The following PCNX2 variants were observed in gnomAD, a reference collection of about 807,000 sequenced individuals.
The protein encoded by PCNX2 is pecanex 2, also known as pecanex-like protein 2.
A neutral mutation model predicts 223.8 loss-of-function variants in PCNX2; 168 were observed. That is an observed-to-expected ratio of 0.75 (90% CI 0.66 to 0.85). PCNX2 has a LOEUF of 0.85. PCNX2 is among the 40% of genes least tolerant of loss of function. The pLI is 0.00. For synonymous variants in PCNX2, 1,006 were observed against 1,052.6 expected, an observed-to-expected ratio of 0.96 and a Z score of 0.86; for missense variants, 2,507 against 2,675.5, an observed-to-expected ratio of 0.94 and a Z score of 1.39.
intron 21 of PCNX2, among the ~76,000 whole-genome samples, chr1:233,103,285 A>G (rs923376885): frequency 6.6e-6 from 1 of 152,146 alleles, no homozygotes; most frequent in East Asian, 1.9e-4. Context: ...TAAATAATCC[A>G]GTTATATTCT....
chr1:233,012,838 G>A (rs950100119), intron 28 of PCNX2, among the ~76,000 whole-genome samples: 3 of 152,180 alleles, frequency 2.0e-5, no homozygotes, highest in African/African-American at 7.2e-5. Flanking sequence ...ATTTCAAATT[G>A]ATCCAACAAA....
chr1:233,060,060 G>A (rs1157254474), intron 23 of PCNX2, among the ~76,000 whole-genome samples: 2 of 152,178 alleles, frequency 1.3e-5, no homozygotes, highest in Admixed American at 6.5e-5. Flanking sequence ...GTGATGCTAC[G>A]GATGGATTGG....
chr1:233,092,562 T>C (rs2102942826), intron 22 of PCNX2, among the ~76,000 whole-genome samples: 1 of 152,230 alleles, frequency 6.6e-6, no homozygotes, highest in African/African-American at 2.4e-5. Context: ...AGAGAGGATC[T>C]TTTTTGGGGG....
At chr1:233,011,270 A>G (rs771912204) in intron 28 of PCNX2, among the ~76,000 whole-genome samples, 27 of 152,202 alleles carry the variant, frequency 1.8e-4, no homozygotes, top group Non-Finnish European at 3.2e-4. Context: ...CTAATGTAAT[A>G]CAACATTAAT....
Position 233,295,645 on chromosome 1 carries a change from T to TGCTCTTCCGCCCGGACCC in PCNX2, c.-185_-168dup. 1.3e-6 allele frequency: 1 copy of TGCTCTTCCGCCCGGACCC among 745,846 alleles called. No individual in the cohort carries two copies. The highest frequency in any genetic ancestry group is 1.9e-5 in the African/African-American group (1 of 53,898). The allele number at this position is 745,846 out of a possible 1,614,324, so 46.2% of individuals were successfully genotyped here. A position where few individuals can be genotyped will look rare whatever the true frequency, so the allele number is the denominator to read the frequency against. On this transcript the variant is annotated 5_prime_UTR_variant, in exon 1 of 34. Coordinates refer to ENST00000258229, the MANE Select transcript of PCNX2 (RefSeq NM_014801.4). This position sits in a 1 kb window ranked among gnomAD's most constrained non-coding sequence, Gnocchi z 4.1. ...TCCACCCCACGTTTGAAGCTGGAGC[T>TGCTCTTCCGCCCGGACCC]GCTCTTCCGCCCGGACCCGCGAACC...
In PCNX2 at chr1:232,999,143, C is replaced by T. The variant is rs1409113551; in HGVS notation, c.5565G>A (p.Leu1855=). ...LKNIWGGPIT[L]DRIRTWFWTK... ...TCCAGAACCAGGTCCTAATTCTGTC[C>T]AAAGTGATGGGTCCACCCCAGATGT... Residue 1855 remains leucine, a synonymous_variant, in exon 31 of 34, where the codon TTG becomes TTA. Transcript: ENST00000258229. The T allele has an allele frequency of 6.2e-7, 1 of 1,613,486 alleles. No individual in the cohort carries two copies. The highest frequency in any genetic ancestry group is 8.5e-7 in the Non-Finnish European group (1 of 1,179,646).
At position 232,990,462 on chromosome 1, in the gene PCNX2, C is replaced by T. The variant is rs900231274; in HGVS notation, c.5792-3922G>A. On this transcript the variant is annotated intron_variant, in intron 32 of 33. Coordinates refer to ENST00000258229, the MANE Select transcript of PCNX2 (RefSeq NM_014801.4). The surrounding 1 kb of genome is among the most constrained non-coding windows in gnomAD (Gnocchi z 4.3). ...TGATGGTACATTTCAGGAGAGCCAA[C>T]AAGATCGGCAGCTCTTGGCTCCACT... is the stretch of plus-strand genomic sequence containing the variant. 6.6e-6 allele frequency among the ~76,000 whole-genome samples: 1 copy of T among 152,196 alleles called. No individual in the cohort carries two copies. The highest frequency in any genetic ancestry group is 1.5e-5 in the Non-Finnish European group (1 of 68,038).
chr1:233,227,799 G>T (rs1425018366), intron 9 of PCNX2, among the ~76,000 whole-genome samples: 1 of 152,086 alleles, frequency 6.6e-6, no homozygotes, highest in African/African-American at 2.4e-5. Context: ...AGAGTAAAAA[G>T]ATTTTCATTG....
upstream of PCNX2, among the ~76,000 whole-genome samples, chr1:233,299,358 G>A (rs977052833): frequency 5.3e-5 from 8 of 152,060 alleles, no homozygotes; most frequent in Non-Finnish European, 7.4e-5. Context: ...AACTATCAAA[G>A]TGGCTTCCTA....
At chr1:233,204,729 A>G (rs1285558888) in intron 13 of PCNX2, among the ~76,000 whole-genome samples, 1 of 152,232 alleles carries the variant, frequency 6.6e-6, no homozygotes, top group East Asian at 1.9e-4. Flanking sequence ...TGTTTAACAC[A>G]TTCATTCCAT....
chr1:233,122,073 TACACACACACAC>T (rs3033285), intron 21 of PCNX2, among the ~76,000 whole-genome samples: 5 of 131,406 alleles, frequency 3.8e-5, no homozygotes, highest in Admixed American at 1.5e-4. Flanking sequence ...AGTTAGAAAG[TACACACACACAC>T]ACACACACAC....
At chr1:233,222,075 T>C (rs1208814722) in intron 10 of PCNX2, among the ~76,000 whole-genome samples, 1 of 152,024 alleles carries the variant, frequency 6.6e-6, no homozygotes, top group African/African-American at 2.4e-5. Context: ...GAAAAAAGAA[T>C]AGAACCAGGC....
At chr1:233,161,413 ACT>A in intron 17 of PCNX2, 50 bp from the exon 18 acceptor site, 1 of 1,478,454 alleles carries the variant, frequency 6.8e-7, no homozygotes, top group East Asian at 2.3e-5. Context: ...TCTCTCAGCA[ACT>A]CTGTGTAACC....
chr1:233,056,835 C>A lies in PCNX2; in HGVS notation c.4135+397G>T, dbSNP rs549652266. On this transcript the variant is annotated intron_variant, in intron 24 of 33. Coordinates refer to ENST00000258229, the MANE Select transcript of PCNX2 (RefSeq NM_014801.4). ...CATAGCTTAATGTTGACCAAAGTTTCTGAAACCTTCTAGATCCTGGATCAT... is the reference window on the plus strand; with the variant it reads ...CATAGCTTAATGTTGACCAAAGTTTATGAAACCTTCTAGATCCTGGATCAT... Among the ~76,000 whole-genome samples, 25 of 152,300 alleles carry A rather than the reference C, an allele frequency of 1.6e-4. 1 individual carries two copies. The highest frequency in any genetic ancestry group is 1.5e-5 in the Non-Finnish European group (1 of 68,026).
chr1:233,221,661 C>T (rs1353651328), intron 10 of PCNX2, among the ~76,000 whole-genome samples: 1 of 152,062 alleles, frequency 6.6e-6, no homozygotes, highest in East Asian at 1.9e-4. Context: ...CAAGGATAAA[C>T]AAAACTCCCA....
chr1:233,207,285 G>C (rs1359691653), intron 13 of PCNX2, among the ~76,000 whole-genome samples: 1 of 152,174 alleles, frequency 6.6e-6, no homozygotes, highest in African/African-American at 2.4e-5. Flanking sequence ...GAGATTCAAG[G>C]GGGCTGTCAC....
chr1:233,233,010 T>C (rs1558372818), intron 9 of PCNX2: 1 of 985,270 alleles, frequency 1.0e-6, no homozygotes. Flanking sequence ...TGAGAGTAAA[T>C]GGAAGCGGAA....
intron 21 of PCNX2, among the ~76,000 whole-genome samples, chr1:233,111,943 C>T (rs919041720): frequency 6.6e-6 from 1 of 152,146 alleles, no homozygotes; most frequent in Non-Finnish European, 1.5e-5. Flanking sequence ...GGAATTTTTC[C>T]GATTACTTCA....
chr1:233,030,623 G>C (rs1041513795), intron 25 of PCNX2, among the ~76,000 whole-genome samples: 5 of 152,092 alleles, frequency 3.3e-5, no homozygotes, highest in Non-Finnish European at 5.9e-5. Flanking sequence ...TAAATCTTTG[G>C]CTGGGAAGGT....
Sources: gnomAD v4.1 joint callset for allele counts (sites outside exome capture counted in the v4.1 genomes callset) on GRCh38, gnomAD v4.1.1 for gene constraint, Gnocchi (gnomAD v3.1) non-coding constraint, MANE v1.5 for transcripts, NCBI Gene and HGNC (gene_info 2026-07-23, HGNC 2026-07-21) for gene names.